The following MGAT4C variants were observed in gnomAD, a reference collection of about 807,000 sequenced individuals.
The protein encoded by MGAT4C is alpha-1,3-mannosyl-glycoprotein 4-beta-N-acetylglucosaminyltransferase C.
Under a neutral mutation model 40.1 loss-of-function variants are expected in MGAT4C, and 19 were observed. That is an observed-to-expected ratio of 0.47 (90% CI 0.33 to 0.70). The LOEUF is 0.70. MGAT4C is among the 30% of genes least tolerant of loss of function. MGAT4C has a pLI of 0.02. For synonymous variants in MGAT4C, 181 were observed against 187.1 expected (o/e 0.97, Z 0.27); for missense variants, 491 against 563.2 (o/e 0.87, Z 1.30).
chr12:86,236,972 C>T (rs143077863), intron 1 of MGAT4C, among the ~76,000 whole-genome samples: 1 of 150,882 alleles, frequency 6.6e-6, no homozygotes, highest in African/African-American at 2.4e-5. Flanking sequence ...CCCGTTAGCT[C>T]AGCCTTTAAT....
intron 1 of MGAT4C, among the ~76,000 whole-genome samples, chr12:86,789,733 T>C (rs1327230438): frequency 6.6e-6 from 1 of 152,142 alleles, no homozygotes; most frequent in Non-Finnish European, 1.5e-5. Context: ...GTGTGCATAG[T>C]AGTAATAAAG....
chr12:86,013,607 A>T (rs1401273674), intron 2 of MGAT4C: 2 of 344,630 alleles, frequency 5.8e-6, no homozygotes, highest in Non-Finnish European at 8.2e-6. Flanking sequence ...TTATACATAT[A>T]TAAATAGAGC....
At chr12:86,601,799 G>A (rs1480456139) in intron 2 of MGAT4C, among the ~76,000 whole-genome samples, 2 of 152,100 alleles carry the variant, frequency 1.3e-5, no homozygotes, top group African/African-American at 4.8e-5. Context: ...AACACAAACA[G>A]GCTAAACACA....
chr12:86,433,250 A>C (rs949069105), intron 3 of MGAT4C, among the ~76,000 whole-genome samples: 1 of 151,874 alleles, frequency 6.6e-6, no homozygotes, highest in African/African-American at 2.4e-5. Flanking sequence ...AAGGAAAAAA[A>C]CACACACACA....
At chr12:86,314,288 G>T (rs1954147560) in intron 4 of MGAT4C, among the ~76,000 whole-genome samples, 2 of 152,242 alleles carry the variant, frequency 1.3e-5, no homozygotes, top group South Asian at 4.1e-4. Flanking sequence ...TGGGCGCGGT[G>T]GCTCACACCT....
intron 2 of MGAT4C, among the ~76,000 whole-genome samples, chr12:86,627,144 GC>G (rs1340320507): frequency 8.5e-6 from 1 of 117,410 alleles, no homozygotes; most frequent in Non-Finnish European, 1.7e-5. Flanking sequence ...AGATCGAACT[GC>G]CAAGCAGCAA....
chr12:86,387,364 CAT>C lies in MGAT4C; in HGVS notation c.-120+47791_-120+47792del, dbSNP rs1285809815. On this transcript the variant is annotated intron_variant, in intron 3 of 7. Transcript: ENST00000548651. ...TCTATTATTGCTATATAAATATATA[CAT>C]ATATGTTTATATGTGTGTATTTCAC... Among the ~76,000 whole-genome samples, 98 of 151,922 alleles carry C rather than the reference CAT, an allele frequency of 6.5e-4. 1 individual carries two copies. Among genetic ancestry groups the C allele is most frequent in the African/African-American group, 2.0e-3 (84 of 41,368 alleles).
intron 1 of MGAT4C, among the ~76,000 whole-genome samples, chr12:86,807,303 T>C (rs1416573338): frequency 1.3e-5 from 2 of 151,940 alleles, no homozygotes; most frequent in Non-Finnish European, 2.9e-5. Context: ...CAGGCCCCAG[T>C]GTGTGCTGCG....
At chr12:86,538,604 ACTT>A (rs1471816656) in intron 2 of MGAT4C, among the ~76,000 whole-genome samples, 1 of 118,526 alleles carries the variant, frequency 8.4e-6, no homozygotes, top group Non-Finnish European at 1.8e-5. Flanking sequence ...AAAGTGTAAT[ACTT>A]CTTTTTTTTT....
intron 2 of MGAT4C, among the ~76,000 whole-genome samples, chr12:86,560,847 A>C (rs1015740443): frequency 1.3e-4 from 20 of 152,226 alleles, no homozygotes; most frequent in Non-Finnish European, 1.0e-4. Context: ...AAAAGGAAGT[A>C]AAATTGTACT....
chr12:86,054,863 T>C (rs1328762211), intron 1 of MGAT4C, among the ~76,000 whole-genome samples: 4 of 123,014 alleles, frequency 3.3e-5, no homozygotes, highest in Non-Finnish European at 6.9e-5. Flanking sequence ...ATGTATTTAG[T>C]GCATAATCAG....
chr12:86,208,269 C>T (rs1034446126), intron 1 of MGAT4C, among the ~76,000 whole-genome samples: 3 of 152,156 alleles, frequency 2.0e-5, no homozygotes, highest in Non-Finnish European at 4.4e-5. Context: ...AGTTCAAGAC[C>T]AGCCTGGGCA....
At chr12:86,824,428 T>C (rs1461119135) in intron 1 of MGAT4C, among the ~76,000 whole-genome samples, 1 of 151,478 alleles carries the variant, frequency 6.6e-6, no homozygotes, top group East Asian at 1.9e-4. Context: ...AATAAATTTG[T>C]ACTAGTTTTC....
chr12:86,203,054 GTT>G (rs60367742), intron 1 of MGAT4C, among the ~76,000 whole-genome samples: 12 of 131,870 alleles, frequency 9.1e-5, no homozygotes, highest in East Asian at 2.2e-4. Context: ...GTGTGTGTGT[GTT>G]TTTACATAGC....
At chr12:86,804,375 G>C (rs71438922) in intron 1 of MGAT4C, among the ~76,000 whole-genome samples, 93,671 of 147,816 alleles carry the variant, frequency 0.63, 30,951 homozygotes, top group Non-Finnish European at 0.72. Context: ...ATGTAACTAA[G>C]CTGCACAATG....
At chr12:86,356,365 T>C (rs1041269108) in intron 3 of MGAT4C, among the ~76,000 whole-genome samples, 3 of 152,164 alleles carry the variant, frequency 2.0e-5, no homozygotes, top group Non-Finnish European at 4.4e-5. Flanking sequence ...GGTTCCAAGA[T>C]GGCCAAATAG....
At position 85,959,376 on chromosome 12, in the gene MGAT4C, A is replaced by G. The variant is rs1265916610; in HGVS notation, c.*19913T>C. ...AAAGTTTGGTAAATCTTTGCTTTAC[A>G]GGGCTTCAAGTTATAGATTTTTCTT... is the stretch of plus-strand genomic sequence containing the variant. On this transcript the variant is annotated 3_prime_UTR_variant, in exon 5 of 5. Transcript: ENST00000611864. 1.3e-5 allele frequency: 2 copies of G among 152,220 alleles called. No homozygotes were observed. Among genetic ancestry groups the G allele is most frequent in the East Asian group, 3.9e-4 (2 of 5,180 alleles). 9.4% of individuals were successfully genotyped at this position (152,220 alleles called of 1,614,324 possible). A position where few individuals can be genotyped will look rare whatever the true frequency, so the allele number is the denominator to read the frequency against.
chr12:86,326,708 T>C (rs1484864320), intron 4 of MGAT4C, among the ~76,000 whole-genome samples: 2 of 152,134 alleles, frequency 1.3e-5, no homozygotes, highest in African/African-American at 4.8e-5. Context: ...GAAAACCCAC[T>C]TGAGCCTTTA....
At chr12:86,526,163 G>C (rs1022148937) in intron 2 of MGAT4C, among the ~76,000 whole-genome samples, 3 of 152,060 alleles carry the variant, frequency 2.0e-5, no homozygotes, top group Non-Finnish European at 4.4e-5. Flanking sequence ...GATGGGGGAG[G>C]GTCTGCTGTT....
Sources: allele counts gnomAD v4.1 joint callset (sites outside exome capture counted in the v4.1 genomes callset), GRCh38; gene constraint gnomAD v4.1.1; transcripts MANE v1.5; gene names NCBI Gene and HGNC (gene_info 2026-07-23, HGNC 2026-07-21).